NBAS: variants seen among roughly 807,000 people sequenced by gnomAD.
The protein encoded by NBAS is NAG/BC035112 fusion.
Under a neutral mutation model 302.5 loss-of-function variants are expected in NBAS, and 219 were observed. That is an observed-to-expected ratio of 0.72 (90% confidence interval 0.65 to 0.81). The LOEUF is 0.81. Among genes scored for constraint, NBAS ranks in the 30% least tolerant of loss-of-function variants. NBAS has a pLI of 0.00. For synonymous variants in NBAS, 1,118 were observed against 1,021.6 expected (o/e 1.09, Z -1.80); for missense variants, 2,932 against 2,841.6 (o/e 1.03, Z -0.72).
rs1280853420 is a variant in NBAS at position 15,388,385 on chromosome 2, C to T, written c.3258-5068G>A. The stretch of plus-strand genomic sequence containing the variant: ...CACTTCACTAGTCATGTAAGAAATG[C>T]ATATTAAAAAAAAAAAGAAATGCAT... On this transcript the variant is annotated intron_variant, in intron 28 of 51. Transcript: ENST00000281513. 3.5e-5 allele frequency among the ~76,000 whole-genome samples: 5 copies of T among 144,786 alleles called. No individual in the cohort carries two copies. In the East Asian group the frequency reaches 9.8e-4, roughly 28 times the overall value. The allele number at this position is 144,786 out of a possible 152,430, so 95.0% of individuals were successfully genotyped here. A position where few individuals can be genotyped will look rare whatever the true frequency, so the allele number is the denominator to read the frequency against.
At chr2:14,997,788 A>T in the NBAS span, among the ~76,000 whole-genome samples, 2 of 152,126 alleles carry the variant, frequency 1.3e-5, no homozygotes, top group Non-Finnish European at 2.9e-5. Context: ...AATCCCAGAG[A>T]GTAGAAACCA....
intron 11 of NBAS, 22 bp downstream of exon 11, chr2:15,504,123 T>G: frequency 6.2e-7 from 1 of 1,601,450 alleles, no homozygotes; most frequent in Non-Finnish European, 8.6e-7. Flanking sequence ...AAGCCCACCA[T>G]AGTTAAGCCA....
chr2:15,065,792 G>T, the NBAS span, among the ~76,000 whole-genome samples: 1 of 152,042 alleles, frequency 6.6e-6, no homozygotes, highest in Admixed American at 6.6e-5. Context: ...TGGAAGACTT[G>T]TTACTGCTAA....
chr2:15,143,232 C>T, the NBAS span, among the ~76,000 whole-genome samples: 14 of 152,142 alleles, frequency 9.2e-5, no homozygotes, highest in African/African-American at 3.1e-4. Context: ...CCTGTGAAAT[C>T]GATTACGATC....
At chr2:14,853,010 G>T in the NBAS span, among the ~76,000 whole-genome samples, 3 of 149,990 alleles carry the variant, frequency 2.0e-5, no homozygotes, top group Non-Finnish European at 4.4e-5. Flanking sequence ...ACATAGGCAT[G>T]GGAAGGACTT....
At chr2:15,326,540 AAAAAG>A (rs1267135308) in intron 38 of NBAS, among the ~76,000 whole-genome samples, 1 of 152,198 alleles carries the variant, frequency 6.6e-6, no homozygotes, top group East Asian at 1.9e-4. Flanking sequence ...GTAAGACAAT[AAAAAG>A]AAAAGCAAGA....
intron 6 of NBAS, among the ~76,000 whole-genome samples, chr2:15,541,713 T>C (rs1022084037): frequency 2.0e-5 from 3 of 151,636 alleles, no homozygotes; most frequent in African/African-American, 7.3e-5. Context: ...TCCCTGTCTT[T>C]AGACTGCTAA....
the NBAS span, among the ~76,000 whole-genome samples, chr2:14,976,778 C>G: frequency 4.6e-5 from 7 of 152,142 alleles, no homozygotes; most frequent in Non-Finnish European, 8.8e-5. Flanking sequence ...GAGGAGAAAA[C>G]CATGTGAAGA....
the NBAS span, among the ~76,000 whole-genome samples, chr2:14,909,366 T>TAAAAAAAAAAAAAAAAAAAA: frequency 2.9e-3 from 227 of 78,548 alleles, 19 homozygotes; most frequent in Non-Finnish European, 4.2e-3. Context: ...GGAGAGTTTC[T>TAAAAAAAAAAAAAAAAAAAA]AAAAAAAAAA....
At chr2:15,429,368 T>C (rs1285242172) in intron 21 of NBAS, among the ~76,000 whole-genome samples, 1 of 152,262 alleles carries the variant, frequency 6.6e-6, no homozygotes, top group Admixed American at 6.5e-5. Flanking sequence ...TGAGTATCAA[T>C]AGTAGCATTT....
At chr2:15,461,093 T>G in intron 21 of NBAS, 108 bp downstream of exon 21, 6 of 1,059,862 alleles carry the variant, frequency 5.7e-6, no homozygotes, top group Non-Finnish European at 8.1e-6. Flanking sequence ...GAAAAAAGTT[T>G]AAATATATTA....
chr2:15,383,691 T>C (rs566906121), intron 28 of NBAS, among the ~76,000 whole-genome samples: 1 of 152,048 alleles, frequency 6.6e-6, no homozygotes, highest in Non-Finnish European at 1.5e-5. Context: ...ATGACAGAGG[T>C]TGGTTTCAAA....
chr2:15,475,796 G>T lies in NBAS; in HGVS notation c.1232C>A (p.Thr411Asn), dbSNP rs1680165803. The change falls in exon 14 of 52, where the codon ACT becomes AAT. Residue 411 changes from threonine to asparagine, a missense_variant. Physicochemically the swap from Thr to Asn is moderately conservative, Grantham distance 65. Transcript: ENST00000281513. ...CTTCAAAGTTTTCACAGATGAAACA[G>T]TTAAAGCACCAGAGCATCGAGCTAA... ...VTLARCSGAL[T>N]VSSVKTLKNL... 1 of 1,613,966 alleles carries T rather than the reference G, an allele frequency of 6.2e-7. No homozygotes were observed.
At chr2:14,815,165 C>A in the NBAS span, among the ~76,000 whole-genome samples, 67 of 152,266 alleles carry the variant, frequency 4.4e-4, 1 homozygote, top group African/African-American at 7.9e-4. Context: ...TTCTTTATAG[C>A]AGTTTGAGAA....
the NBAS span, among the ~76,000 whole-genome samples, chr2:14,910,916 C>CT: frequency 6.6e-6 from 1 of 152,204 alleles, no homozygotes; most frequent in East Asian, 1.9e-4. Context: ...TTCCAATACT[C>CT]TTTGGTAATT....
At chr2:15,057,673 A>G in the NBAS span, among the ~76,000 whole-genome samples, 1 of 152,162 alleles carries the variant, frequency 6.6e-6, no homozygotes, top group Non-Finnish European at 1.5e-5. Flanking sequence ...GAGAACATAC[A>G]ATGTTTGGTT....
chr2:15,293,668 A>G (rs908168514), intron 40 of NBAS, among the ~76,000 whole-genome samples: 1 of 151,742 alleles, frequency 6.6e-6, no homozygotes, highest in Non-Finnish European at 1.5e-5. Context: ...AAAAGAATCT[A>G]CCTTTGGTTC....
chr2:15,180,911 T>G (rs1216480383), intron 50 of NBAS, among the ~76,000 whole-genome samples: 1 of 152,206 alleles, frequency 6.6e-6, no homozygotes, highest in Non-Finnish European at 1.5e-5. Context: ...TCTTTAAGTC[T>G]CAGTTTAAAA....
chr2:14,912,703 T>TAAAAAAAAAAA, the NBAS span, among the ~76,000 whole-genome samples: 73 of 78,528 alleles, frequency 9.3e-4, no homozygotes, highest in African/African-American at 2.5e-3. Flanking sequence ...CATTCATTTT[T>TAAAAAAAAAAA]AAAAAAAAAA....
Sources: gnomAD v4.1 joint callset for allele counts (sites outside exome capture counted in the v4.1 genomes callset) on GRCh38, gnomAD v4.1.1 for gene constraint, MANE v1.5 for transcripts, NCBI Gene and HGNC (gene_info 2026-07-23, HGNC 2026-07-21) for gene names.